MTF1: variants seen among roughly 807,000 people sequenced by gnomAD.
The protein encoded by MTF1 is MRE-binding transcription factor.
MTF1 carries 22 observed loss-of-function variants against 70.4 expected under a neutral mutation model. The ratio of observed to expected loss-of-function variants is 0.31; its 90% CI spans 0.22 to 0.45. The LOEUF is 0.45. Among genes scored for constraint, MTF1 ranks in the 20% least tolerant of loss-of-function variants. The probability of loss-of-function intolerance (pLI) is 1.00; values close to 1 mark genes in which losing one functional copy is unlikely to be tolerated. For missense variants in MTF1, 649 were observed against 922.0 expected (o/e 0.70, Z 3.83); for synonymous variants, 333 against 352.8 (o/e 0.94, Z 0.63).
At chr1:37,846,622 A>G (rs1641335551) in intron 2 of MTF1, among the ~76,000 whole-genome samples, 1 of 152,232 alleles carries the variant, frequency 6.6e-6, no homozygotes, top group Non-Finnish European at 1.5e-5. Flanking sequence ...TCTAGAATAC[A>G]GAAATATTTA....
Position 37,840,055 on chromosome 1 carries a change from A to G in MTF1, c.512T>C (p.Val171Ala). 6.2e-7 allele frequency: 1 copy of G among 1,614,268 alleles called. No individual in the cohort carries two copies. Among genetic ancestry groups the G allele is most frequent in the South Asian group, 1.1e-5 (1 of 91,092 alleles). ...QKTHRGEYTFVCNQEGCGKAF... is the reference protein window; with the variant it reads ...QKTHRGEYTFACNQEGCGKAF... ...TTTGCCACAGCCCTCCTGATTACAG[A>G]CAAAGGTGTACTCTCCTCGGTGAGT... The change falls in exon 3 of 11, where the codon GTC becomes GCC. Residue 171 changes from valine to alanine, a missense_variant. Around this residue, in one of 7 missense-constraint regions of MTF1, gnomAD observed 118 missense variants for 287.2 expected, o/e 0.41. Transcript: ENST00000373036. This position sits in a 1 kb window ranked among gnomAD's most constrained non-coding sequence, Gnocchi z 4.5.
In MTF1 at chr1:37,811,504, A is replaced by T. The variant is rs1237508289; in HGVS notation, c.*3632T>A. 1 of 152,638 alleles carries T rather than the reference A, an allele frequency of 6.6e-6. No homozygotes were observed. Among genetic ancestry groups the T allele is most frequent in the Non-Finnish European group, 1.5e-5 (1 of 68,042 alleles). The allele number at this position is 152,638 out of a possible 1,614,324, so 9.5% of individuals were successfully genotyped here. On this transcript the variant is annotated 3_prime_UTR_variant, in exon 11 of 11. Coordinates refer to ENST00000373036, the MANE Select transcript of MTF1 (RefSeq NM_005955.3). ...GTGGAAAGTATATATATGTATATAT[A>T]CACACAAAAGAAATTGCAGCAATCG... is the stretch of plus-strand genomic sequence containing the variant.
intron 4 of MTF1, among the ~76,000 whole-genome samples, chr1:37,837,593 C>A (rs1354449400): frequency 6.6e-6 from 1 of 152,126 alleles, no homozygotes; most frequent in Non-Finnish European, 1.5e-5. Context: ...ACAACCTCCG[C>A]CTCTCTGGTT....
intron 6 of MTF1, 26 bp downstream of exon 6, chr1:37,835,052 AG>A: frequency 2.5e-6 from 4 of 1,610,816 alleles, no homozygotes; most frequent in Non-Finnish European, 3.4e-6. Context: ...TATGGTACCC[AG>A]ATCAAGAGAC....
intron 2 of MTF1, chr1:37,841,183 C>A: frequency 6.4e-6 from 1 of 156,830 alleles, no homozygotes; most frequent in South Asian, 1.7e-4. Context: ...GGTTCAAGGC[C>A]ATCGGGGACT....
chr1:37,853,209 A>G (rs1472066530), intron 2 of MTF1, among the ~76,000 whole-genome samples: 1 of 142,246 alleles, frequency 7.0e-6, no homozygotes, highest in Non-Finnish European at 1.6e-5. Context: ...TAACCACTCT[A>G]GCCTTGGCTT....
rs1422301530 is a variant in MTF1 at position 37,857,401 on chromosome 1, A to T, written c.258T>A (p.His86Gln). ...GCACATAACCCTGGGACATTGCTTCATGATCTATCAGGTGAAAGCCCTCTT... is the reference window on the plus strand; with the variant it reads ...GCACATAACCCTGGGACATTGCTTCTTGATCTATCAGGTGAAAGCCCTCTT... Reference protein sequence around the residue: ...GGEEGFHLIDHEAMSQGYVQH... With the variant: ...GGEEGFHLIDQEAMSQGYVQH... The change falls in exon 2 of 11, where the codon CAT becomes CAA. Residue 86 changes from histidine to glutamine, a missense_variant. By Grantham distance (24) the His-to-Gln change is conservative. Around this residue, in one of 7 missense-constraint regions of MTF1, gnomAD observed 44 missense variants for 38.1 expected, o/e 1.15. Transcript: ENST00000373036. 6.2e-7 allele frequency: 1 copy of T among 1,614,214 alleles called. No individual in the cohort carries two copies. Among genetic ancestry groups the T allele is most frequent in the South Asian group, 1.1e-5 (1 of 91,092 alleles).
intron 2 of MTF1, among the ~76,000 whole-genome samples, chr1:37,847,914 G>A (rs140407081): frequency 2.6e-5 from 4 of 152,264 alleles, no homozygotes; most frequent in East Asian, 3.9e-4. Context: ...GCAGTGAGCC[G>A]TAATCACTCC....
chr1:37,859,022 GATTGGATCC>G (rs1157823022), intron 1 of MTF1, among the ~76,000 whole-genome samples: 2 of 152,234 alleles, frequency 1.3e-5, no homozygotes, highest in Non-Finnish European at 2.9e-5. Flanking sequence ...CAGGCCAAAG[GATTGGATCC>G]GGGAGGTACC....
intron 7 of MTF1, among the ~76,000 whole-genome samples, chr1:37,830,771 G>T (rs1289960879): frequency 2.6e-5 from 4 of 152,198 alleles, no homozygotes; most frequent in African/African-American, 9.7e-5. Context: ...AGTGGATGCA[G>T]CTATGATCTT....
In MTF1 at chr1:37,840,262, T is replaced by A; in HGVS notation, c.409-104A>T. The A allele has an allele frequency of 9.7e-7, 1 of 1,029,780 alleles. No individual in the cohort carries two copies. The highest frequency in any genetic ancestry group is 1.5e-6 in the Non-Finnish European group (1 of 682,874). 63.8% of individuals were successfully genotyped at this position (1,029,780 alleles called of 1,614,324 possible). A position where few individuals can be genotyped will look rare whatever the true frequency, so the allele number is the denominator to read the frequency against. ...CAAGAGATGCTGTGGACAATACAACTGGGTTTTCATCATAAACACAGAAAA... is the reference window on the plus strand; with the variant it reads ...CAAGAGATGCTGTGGACAATACAACAGGGTTTTCATCATAAACACAGAAAA... On this transcript the variant is annotated intron_variant, in intron 2 of 10. Coordinates refer to ENST00000373036, the MANE Select transcript of MTF1 (RefSeq NM_005955.3). This position sits in a 1 kb window ranked among gnomAD's most constrained non-coding sequence, Gnocchi z 4.5.
intron 2 of MTF1, among the ~76,000 whole-genome samples, chr1:37,856,803 TCATTAAA>T (rs1641504435): frequency 6.6e-6 from 1 of 152,142 alleles, no homozygotes; most frequent in African/African-American, 2.4e-5. Flanking sequence ...AAATAAAAGT[TCATTAAA>T]CATTCACTAA....
chr1:37,844,810 A>G (rs932082137), intron 2 of MTF1, among the ~76,000 whole-genome samples: 1 of 152,156 alleles, frequency 6.6e-6, no homozygotes, highest in African/African-American at 2.4e-5. Flanking sequence ...CCTCCACTAA[A>G]TGACCCTTCC....
chr1:37,819,127 T>G (rs1640869784), intron 9 of MTF1, among the ~76,000 whole-genome samples: 3 of 152,196 alleles, frequency 2.0e-5, no homozygotes. Context: ...AGATGTGGCC[T>G]CTCAACTTCG....
intron 2 of MTF1, among the ~76,000 whole-genome samples, chr1:37,843,593 A>G (rs1172283123): frequency 6.6e-6 from 1 of 152,234 alleles, no homozygotes; most frequent in Non-Finnish European, 1.5e-5. Context: ...TCTGCATGTT[A>G]AAGTAGCAAC....
In MTF1 at chr1:37,859,552, C is replaced by T. The variant is rs1014206790; in HGVS notation, c.-73G>A. On this transcript the variant is annotated 5_prime_UTR_variant, in exon 1 of 11. Transcript: ENST00000373036. ...TTACCTCCGCGGCTCCCGGCAACGG[C>T]GGCAGCAGCAGCTTCTCCCCTCCCC... The T allele has an allele frequency of 5.0e-6, 2 of 399,104 alleles. No individual in the cohort carries two copies. Among genetic ancestry groups the T allele is most frequent in the Non-Finnish European group, 4.4e-6 (1 of 226,446 alleles). The allele number at this position is 399,104 out of a possible 1,614,324, so 24.7% of individuals were successfully genotyped here.
chr1:37,829,097 A>G (rs1450281841), intron 7 of MTF1, among the ~76,000 whole-genome samples: 1 of 151,152 alleles, frequency 6.6e-6, no homozygotes, highest in African/African-American at 2.4e-5. Context: ...ATTTGATTTT[A>G]ACAAGTCCTG....
At chr1:37,837,394 AC>A (rs1194079075) in intron 4 of MTF1, among the ~76,000 whole-genome samples, 13 of 152,156 alleles carry the variant, frequency 8.5e-5, no homozygotes, top group Non-Finnish European at 1.5e-4. Context: ...GTCTCTAACG[AC>A]TTTTTATTTC....
chr1:37,826,705 G>A (rs917644457), intron 7 of MTF1: 12 of 402,560 alleles, frequency 3.0e-5, no homozygotes, highest in South Asian at 7.4e-5. Flanking sequence ...GAGGCCAGGC[G>A]CAGTGGCTCA....
Sources: gnomAD v4.1 joint callset for allele counts (sites outside exome capture counted in the v4.1 genomes callset) on GRCh38, gnomAD v4.1.1 for gene constraint, gnomAD v4.1.1 regional missense constraint, Gnocchi (gnomAD v3.1) non-coding constraint, MANE v1.5 for transcripts, NCBI Gene and HGNC (gene_info 2026-07-23, HGNC 2026-07-21) for gene names.